The following AGAP1 variants were observed in gnomAD, a reference collection of about 807,000 sequenced individuals.
The protein encoded by AGAP1 is ArfGAP with GTPase domain, ankyrin repeat and PH domain 1.
Under a neutral mutation model 105.3 loss-of-function variants are expected in AGAP1, and 29 were observed. That is an observed-to-expected ratio of 0.28 (90% CI 0.21 to 0.38). The LOEUF (loss-of-function observed/expected upper bound fraction) is 0.38. Ranked by LOEUF, AGAP1 falls within the 10% of genes least tolerant of loss-of-function variation. The pLI, the probability that AGAP1 is intolerant of heterozygous loss-of-function variation, is 1.00. For synonymous variants in AGAP1, 509 were observed against 485.9 expected (o/e 1.05, Z -0.63); for missense variants, 998 against 1,165.1 (o/e 0.86, Z 2.09).
rs567989455 is a variant in AGAP1, at chr2:235,608,332, C to T, written c.164-100847C>T. On this transcript the variant is annotated intron_variant, in intron 1 of 17. Transcript: ENST00000304032. This position sits in a 1 kb window ranked among gnomAD's most constrained non-coding sequence, Gnocchi z 5.4. ...AATTCCATTGTGTCTTTTTTTCCCC[C>T]AAGTAATCTGGCTCTGGGAGGAAAC... 1.3e-5 allele frequency among the ~76,000 whole-genome samples: 2 copies of T among 152,208 alleles called. No individual in the cohort carries two copies. Among genetic ancestry groups the T allele is most frequent in the South Asian group, 2.1e-4 (1 of 4,820 alleles).
chr2:235,722,707 C>T (rs1469375521), intron 3 of AGAP1, among the ~76,000 whole-genome samples: 11 of 152,078 alleles, frequency 7.2e-5, no homozygotes, highest in Admixed American at 7.2e-4. Context: ...ACCATAGGTC[C>T]CAGGGGTTAG....
chr2:235,678,126 A>G lies in AGAP1; in HGVS notation c.164-31053A>G, dbSNP rs74821386. Reference sequence around the variant, plus strand: ...GCTGGCTTTTGCTCCTCTGGTGCCAATGCAGCTCGTTGACAGCTCCAAGAT... The same window carrying G: ...GCTGGCTTTTGCTCCTCTGGTGCCAGTGCAGCTCGTTGACAGCTCCAAGAT... On this transcript the variant is annotated intron_variant, in intron 1 of 17. Transcript: ENST00000304032. 3.0e-4 allele frequency among the ~76,000 whole-genome samples: 46 copies of G among 152,202 alleles called. No homozygotes were observed. The East Asian group carries it at 4.1e-3, about 13-fold the overall frequency.
chr2:235,847,803 G>A (rs1231979086), intron 9 of AGAP1, among the ~76,000 whole-genome samples: 2 of 152,236 alleles, frequency 1.3e-5, no homozygotes, highest in African/African-American at 4.8e-5. Context: ...CTGGGGCTCC[G>A]TTTTCCGTTT....
intron 10 of AGAP1, among the ~76,000 whole-genome samples, chr2:235,902,625 A>T (rs895896625): frequency 6.6e-6 from 1 of 152,222 alleles, no homozygotes; most frequent in Non-Finnish European, 1.5e-5. Flanking sequence ...ATAGTTAGAG[A>T]TACAAGTTTG....
chr2:236,118,970 T>C (rs890466297), intron 16 of AGAP1, among the ~76,000 whole-genome samples: 2 of 152,068 alleles, frequency 1.3e-5, no homozygotes, highest in African/African-American at 4.8e-5. Flanking sequence ...TTCCTTTGGG[T>C]CAACATAAAC....
chr2:235,750,380 G>A lies in AGAP1; in HGVS notation c.565G>A (p.Val189Ile). 1 of 1,614,166 alleles carries A rather than the reference G, an allele frequency of 6.2e-7. No individual in the cohort carries two copies. Among genetic ancestry groups the A allele is most frequent in the Non-Finnish European group, 8.5e-7 (1 of 1,180,032 alleles). Residue 189 changes from valine to isoleucine, a missense_variant, in exon 6 of 18, where the codon GTC becomes ATC. Val to Ile is a conservative substitution (Grantham distance 29). Around this residue, in one of 3 missense-constraint regions of AGAP1, gnomAD observed 735 missense variants for 833.4 expected, o/e 0.88. Coordinates refer to ENST00000304032, the MANE Select transcript of AGAP1 (RefSeq NM_001037131.3). This position sits in a 1 kb window ranked among gnomAD's most constrained non-coding sequence, Gnocchi z 5.3. ...QDAISSANPRVIDDARARKLS... is the reference protein window; with the variant it reads ...QDAISSANPRIIDDARARKLS... ...TGCCATAAGTTCTGCTAACCCGAGG[G>A]TCATCGATGACGCCAGGGCGAGGAA...
chr2:236,064,113 C>T (rs1277994816), intron 16 of AGAP1, among the ~76,000 whole-genome samples: 1 of 152,148 alleles, frequency 6.6e-6, no homozygotes, highest in East Asian at 1.9e-4. Flanking sequence ...AGATGACACC[C>T]AGACAGGAAA....
Position 235,740,837 on chromosome 2 carries a change from C to A in AGAP1, c.311-126C>A. The A allele has an allele frequency of 9.4e-7, 1 of 1,059,710 alleles. No homozygotes were observed. Among genetic ancestry groups the A allele is most frequent in the Non-Finnish European group, 1.4e-6 (1 of 725,600 alleles). 65.6% of individuals were successfully genotyped at this position (1,059,710 alleles called of 1,614,324 possible). A position where few individuals can be genotyped will look rare whatever the true frequency, so the allele number is the denominator to read the frequency against. ...AAATTCAGCATTTGCTGGCAACATC[C>A]TAAATACTCAGTTGCCTCCAGGGCG... On this transcript the variant is annotated intron_variant, in intron 3 of 17. Transcript: ENST00000304032. The surrounding 1 kb of genome is among the most constrained non-coding windows in gnomAD (Gnocchi z 5.7).
At chr2:235,826,511 A>G (rs1394126016) in intron 9 of AGAP1, among the ~76,000 whole-genome samples, 10 of 151,606 alleles carry the variant, frequency 6.6e-5, no homozygotes, top group African/African-American at 1.5e-4. Context: ...GTGCAGTGGC[A>G]CGATCTCGGC....
intron 16 of AGAP1, among the ~76,000 whole-genome samples, chr2:236,075,162 G>A (rs534528729): frequency 1.3e-5 from 2 of 152,328 alleles, no homozygotes; most frequent in Admixed American, 6.5e-5. Context: ...TTGCGTCGGT[G>A]TGGAAAGGAA....
chr2:235,801,805 A>T lies in AGAP1; in HGVS notation c.957+2283A>T, dbSNP rs77585311. 0.043 allele frequency among the ~76,000 whole-genome samples: 6,463 copies of T among 151,658 alleles called. 446 individuals are homozygous for T. The highest frequency in any genetic ancestry group is 0.15 in the African/African-American group (6,042 of 41,322). ...GTTAAGGGAGTGGAAGGGGGAGAGC[A>T]CTCATTCTCAGACGCCTTCTGAGGG... On this transcript the variant is annotated intron_variant, in intron 8 of 17. Transcript: ENST00000304032. This position sits in a 1 kb window ranked among gnomAD's most constrained non-coding sequence, Gnocchi z 6.0.
At chr2:235,779,126 A>G (rs914500465) in intron 6 of AGAP1, among the ~76,000 whole-genome samples, 5 of 152,212 alleles carry the variant, frequency 3.3e-5, no homozygotes, top group South Asian at 2.1e-4. Flanking sequence ...TAGGCAACCT[A>G]TGAACATTTA....
At position 235,957,323 on chromosome 2, in the gene AGAP1, T is replaced by A. The variant is rs956998584; in HGVS notation, c.1484-11139T>A. ...ATGGCCCAAGTAGGCAATTCTTCTC[T>A]CCTGTGTGTTCTCTTGGTTCTGGCT... On this transcript the variant is annotated intron_variant, in intron 12 of 17. Coordinates refer to ENST00000304032, the MANE Select transcript of AGAP1 (RefSeq NM_001037131.3). This position sits in a 1 kb window ranked among gnomAD's most constrained non-coding sequence, Gnocchi z 4.6. Among the ~76,000 whole-genome samples the A allele has an allele frequency of 6.6e-6, 1 of 152,204 alleles. No individual in the cohort carries two copies. The highest frequency in any genetic ancestry group is 2.4e-5 in the African/African-American group (1 of 41,462).
intron 12 of AGAP1, among the ~76,000 whole-genome samples, chr2:235,933,682 G>A (rs975418248): frequency 2.6e-5 from 4 of 151,900 alleles, no homozygotes; most frequent in Non-Finnish European, 5.9e-5. Flanking sequence ...GCAGGCACGC[G>A]CCACCGTGCC....
chr2:235,544,142 C>T (rs1394591438), intron 1 of AGAP1, among the ~76,000 whole-genome samples: 2 of 152,208 alleles, frequency 1.3e-5, no homozygotes. Context: ...GCTTAAAAGG[C>T]ATTTCATTTG....
At chr2:235,806,216 TTCATA>T (rs1316175964) in intron 8 of AGAP1, among the ~76,000 whole-genome samples, 3 of 152,222 alleles carry the variant, frequency 2.0e-5, no homozygotes, top group African/African-American at 7.2e-5. Context: ...GTCTGTTCAT[TTCATA>T]TATCATCTCA....
At chr2:235,539,811 CAG>C (rs2149092431) in intron 1 of AGAP1, among the ~76,000 whole-genome samples, 1 of 152,204 alleles carries the variant, frequency 6.6e-6, no homozygotes, top group Non-Finnish European at 1.5e-5. Context: ...ACACGAGAGA[CAG>C]AAAGGATAGG....
intron 16 of AGAP1, among the ~76,000 whole-genome samples, chr2:236,099,583 A>C (rs1441291878): frequency 6.6e-6 from 1 of 152,234 alleles, no homozygotes; most frequent in Admixed American, 6.5e-5. Flanking sequence ...CCGTAACATC[A>C]GAATTGCCCT....
intron 2 of AGAP1, among the ~76,000 whole-genome samples, chr2:235,709,612 A>G (rs919234879): frequency 5.3e-5 from 8 of 151,526 alleles, no homozygotes; most frequent in East Asian, 1.9e-4. Context: ...ACCCCCATGG[A>G]TTGATTTGTT....
Sources: allele counts gnomAD v4.1 joint callset (sites outside exome capture counted in the v4.1 genomes callset), GRCh38; gene constraint gnomAD v4.1.1; regional missense constraint gnomAD v4.1.1; non-coding constraint Gnocchi (gnomAD v3.1); transcripts MANE v1.5; gene names NCBI Gene and HGNC (gene_info 2026-07-23, HGNC 2026-07-21).